The following NRP1 variants were observed in gnomAD, a reference collection of about 807,000 sequenced individuals.
The protein encoded by NRP1 is neuropilin 1, also known as neuropilin-1.
NRP1 carries 35 observed loss-of-function variants against 106.7 expected under a neutral mutation model. The ratio of observed to expected loss-of-function variants is 0.33; its 90% CI spans 0.25 to 0.43. The LOEUF (loss-of-function observed/expected upper bound fraction) is 0.43, where lower values mean the gene tolerates loss of function less well. NRP1 is among the 20% of genes least tolerant of loss of function. The pLI is 1.00. For synonymous variants in NRP1, 437 were observed against 417.9 expected (o/e 1.05, Z -0.56); for missense variants, 1,024 against 1,170.4 (o/e 0.87, Z 1.83).
chr10:33,221,716 T>C lies in NRP1; in HGVS notation c.1282+3A>G. On this transcript the variant is annotated splice_donor_region_variant and intron_variant, in intron 8 of 16. Transcript: ENST00000374867. ...ATTCAGTCTTCAATCTTCCACAGCT[T>C]ACCTGTTATCTTGCAACCGTATACT... The C allele has an allele frequency of 6.2e-7, 1 of 1,613,050 alleles. No homozygotes were observed. Among genetic ancestry groups the C allele is most frequent in the African/African-American group, 1.3e-5 (1 of 75,052 alleles).
chr10:33,213,406 C>G lies in NRP1; in HGVS notation c.1594G>C (p.Asp532His). The change falls in exon 9 of 17, where the codon GAC becomes CAC. Residue 532 changes from aspartate (D) to histidine (H), a missense_variant. This residue lies in a region of NRP1 where 562 missense variants were observed against 620.3 expected (regional missense o/e 0.91). Coordinates refer to ENST00000374867, the MANE Select transcript of NRP1 (RefSeq NM_003873.7). ...NGSDWKMIMD[D>H]SKRKAKSFEG... ...CTCACCTTCGCCTTGCGTTTGCTGT[C>G]ATCCATGATCATCTTCCAGTCCGAG... 3 of 1,614,052 alleles carry G rather than the reference C, an allele frequency of 1.9e-6. No homozygotes were observed. The highest frequency in any genetic ancestry group is 2.5e-6 in the Non-Finnish European group (3 of 1,180,012).
At chr10:33,228,440 T>A (rs981342239) in intron 6 of NRP1, among the ~76,000 whole-genome samples, 1 of 152,172 alleles carries the variant, frequency 6.6e-6, no homozygotes, top group African/African-American at 2.4e-5. Flanking sequence ...TCCCAACTTT[T>A]GAATTTTGCT....
chr10:33,252,178 A>G (rs1487789400), intron 6 of NRP1, among the ~76,000 whole-genome samples: 1 of 152,178 alleles, frequency 6.6e-6, no homozygotes, highest in Admixed American at 6.5e-5. Context: ...AGGCACAAGC[A>G]CAACGACGTG....
chr10:33,226,743 A>T (rs1839705334), intron 6 of NRP1, among the ~76,000 whole-genome samples: 1 of 152,232 alleles, frequency 6.6e-6, no homozygotes. Flanking sequence ...TAACCCAGAC[A>T]TTCCTAAGTC....
chr10:33,241,642 TGTG>T (rs897526330), intron 6 of NRP1, among the ~76,000 whole-genome samples: 12 of 151,438 alleles, frequency 7.9e-5, no homozygotes, highest in African/African-American at 2.4e-4. Flanking sequence ...GTTGTATGTG[TGTG>T]GTGGTGGTGG....
intron 4 of NRP1, among the ~76,000 whole-genome samples, chr10:33,261,991 C>T (rs1179410676): frequency 3.3e-5 from 5 of 152,216 alleles, no homozygotes; most frequent in African/African-American, 9.7e-5. Flanking sequence ...CTGCCTTGGC[C>T]TCCCAAAGTG....
At chr10:33,180,891 CA>C (rs1564358706) in intron 16 of NRP1, among the ~76,000 whole-genome samples, 1 of 152,102 alleles carries the variant, frequency 6.6e-6, no homozygotes, top group Admixed American at 6.6e-5. Flanking sequence ...GAATTTTGCC[CA>C]AAGTCTACAG....
rs751365237 is a variant in NRP1, at chr10:33,213,518, G to A, written c.1482C>T (p.Ile494=). The change falls in exon 9 of 17, where the codon ATC becomes ATT. Residue 494 remains isoleucine, a synonymous_variant. Transcript: ENST00000374867. ...WLQIDLGEEK[I]VRGIIIQGGK... is the part of the protein sequence containing the mutation. ...CACCCTGAATGATGATGCCCCTCAC[G>A]ATCTTCTCCTCCCCCAGGTCTATTT... is the stretch of plus-strand genomic sequence containing the variant. 8.7e-6 allele frequency: 14 copies of A among 1,613,790 alleles called. No homozygotes were observed. In the South Asian group the frequency reaches 8.8e-5, roughly 10 times the overall value.
rs541273757 is a variant in NRP1 at position 33,220,920 on chromosome 10, A to G, written c.1282+799T>C. On this transcript the variant is annotated intron_variant, in intron 8 of 16. Transcript: ENST00000374867. ...AGTCTCAAAAAAAAAAAAAAAAAAAAAAAGAAAAACAAATAAAAAGATAAA... is the reference window on the plus strand; with the variant it reads ...AGTCTCAAAAAAAAAAAAAAAAAAAGAAAGAAAAACAAATAAAAAGATAAA... Among the ~76,000 whole-genome samples, 715 of 151,410 alleles carry G rather than the reference A, an allele frequency of 4.7e-3. 5 individuals are homozygous for G. Among genetic ancestry groups the G allele is most frequent in the Middle Eastern group, 0.014 (4 of 290 alleles).
At chr10:33,270,408 C>G (rs947868865) in intron 3 of NRP1, among the ~76,000 whole-genome samples, 1 of 151,178 alleles carries the variant, frequency 6.6e-6, no homozygotes, top group Non-Finnish European at 1.5e-5. Context: ...CTCACTGCAA[C>G]CTCCACCTCC....
chr10:33,274,833 A>C (rs1274365540), intron 2 of NRP1, among the ~76,000 whole-genome samples: 1 of 152,136 alleles, frequency 6.6e-6, no homozygotes, highest in East Asian at 1.9e-4. Context: ...ATGATGCCTG[A>C]CATCATAAGC....
At chr10:33,328,877 G>A (rs1032793769) in intron 2 of NRP1, among the ~76,000 whole-genome samples, 10 of 152,130 alleles carry the variant, frequency 6.6e-5, no homozygotes, top group African/African-American at 2.2e-4. Context: ...TATATTACAC[G>A]TATTGATGGT....
chr10:33,328,753 C>T (rs1056938854), intron 2 of NRP1, among the ~76,000 whole-genome samples: 1 of 152,128 alleles, frequency 6.6e-6, no homozygotes, highest in African/African-American at 2.4e-5. Context: ...CAGAAATTGG[C>T]ATGTGCTACA....
At chr10:33,276,308 C>T (rs1211292846) in intron 2 of NRP1, among the ~76,000 whole-genome samples, 5 of 152,122 alleles carry the variant, frequency 3.3e-5, no homozygotes, top group East Asian at 1.9e-4. Context: ...GAATCAAAGA[C>T]GGGCTTTGCT....
At chr10:33,307,736 A>C (rs1018730364) in intron 2 of NRP1, among the ~76,000 whole-genome samples, 1 of 152,214 alleles carries the variant, frequency 6.6e-6, no homozygotes, top group Non-Finnish European at 1.5e-5. Context: ...TAATCTTGAA[A>C]AATTGAAAAT....
At chr10:33,306,889 A>C (rs1455567271) in intron 2 of NRP1, among the ~76,000 whole-genome samples, 1 of 152,236 alleles carries the variant, frequency 6.6e-6, no homozygotes, top group African/African-American at 2.4e-5. Context: ...ACTTGCAAAC[A>C]TGGTTGTGAT....
chr10:33,200,979 A>G (rs1012872993), intron 11 of NRP1: 1 of 152,246 alleles, frequency 6.6e-6, no homozygotes, highest in African/African-American at 2.4e-5. Flanking sequence ...GAGTATTTAT[A>G]GAATTATTGA....
chr10:33,279,173 TA>T (rs1199002064), intron 2 of NRP1, among the ~76,000 whole-genome samples: 1 of 152,188 alleles, frequency 6.6e-6, no homozygotes, highest in Non-Finnish European at 1.5e-5. Context: ...TATTGCAAAG[TA>T]ACAAATTATC....
rs540430220 is a variant in NRP1 at position 33,279,988 on chromosome 10, G to A, written c.249-9132C>T. Among the ~76,000 whole-genome samples, 35 of 152,304 alleles carry A rather than the reference G, an allele frequency of 2.3e-4. No individual in the cohort carries two copies. In the South Asian group the frequency reaches 5.0e-3, roughly 22 times the overall value. On this transcript the variant is annotated intron_variant, in intron 2 of 16. Coordinates refer to ENST00000374867, the MANE Select transcript of NRP1 (RefSeq NM_003873.7). ...ATAATGGATTGAGCCACACTCTCCTGATTGAAGCAAAACCAGAAGCTCCAA... is the reference window on the plus strand; with the variant it reads ...ATAATGGATTGAGCCACACTCTCCTAATTGAAGCAAAACCAGAAGCTCCAA...
Sources: gnomAD v4.1 joint callset for allele counts (sites outside exome capture counted in the v4.1 genomes callset) on GRCh38, gnomAD v4.1.1 for gene constraint, gnomAD v4.1.1 regional missense constraint, MANE v1.5 for transcripts, NCBI Gene and HGNC (gene_info 2026-07-23, HGNC 2026-07-21) for gene names.